The following UBE2F variants were observed in gnomAD, a reference collection of about 807,000 sequenced individuals.
UBE2F encodes ubiquitin conjugating enzyme E2 F (putative).
A neutral mutation model predicts 29.6 loss-of-function variants in UBE2F; 5 were observed. The ratio of observed to expected loss-of-function variants is 0.17; its 90% CI spans 0.09 to 0.36. The LOEUF (loss-of-function observed/expected upper bound fraction) is 0.36. Among genes scored for constraint, UBE2F ranks in the 10% least tolerant of loss-of-function variants. The probability of loss-of-function intolerance (pLI) is 1.00; values close to 1 mark genes in which losing one functional copy is unlikely to be tolerated. For synonymous variants in UBE2F, 66 were observed against 81.8 expected, an observed-to-expected ratio of 0.81 and a Z score of 1.04; for missense variants, 141 against 228.5, an observed-to-expected ratio of 0.62 and a Z score of 2.47.
At chr2:238,003,083 G>A (rs879284285) in intron 4 of UBE2F, among the ~76,000 whole-genome samples, 1 of 152,056 alleles carries the variant, frequency 6.6e-6, no homozygotes, top group Non-Finnish European at 1.5e-5. Context: ...ATATGTAAAG[G>A]TTTCAGACAC....
chr2:238,022,711 T>G (rs2064324731), intron 5 of UBE2F, among the ~76,000 whole-genome samples: 1 of 152,126 alleles, frequency 6.6e-6, no homozygotes, highest in Non-Finnish European at 1.5e-5. Flanking sequence ...AGTTCTCTGT[T>G]GGTTTGAGAG....
intron 4 of UBE2F, among the ~76,000 whole-genome samples, chr2:238,006,534 C>T (rs530280624): frequency 1.6e-4 from 25 of 152,200 alleles, no homozygotes; most frequent in Non-Finnish European, 3.2e-4. Context: ...GTCCTACAAC[C>T]TTGATAAACC....
intron 5 of UBE2F, among the ~76,000 whole-genome samples, chr2:238,023,934 C>G (rs1014068264): frequency 1.3e-5 from 2 of 152,112 alleles, no homozygotes; most frequent in Non-Finnish European, 2.9e-5. Context: ...AGGATGAACC[C>G]TGCATTGATA....
At chr2:237,980,260 G>C (rs981774781) in intron 2 of UBE2F, among the ~76,000 whole-genome samples, 1 of 152,188 alleles carries the variant, frequency 6.6e-6, no homozygotes, top group African/African-American at 2.4e-5. Flanking sequence ...TGTGTGACCA[G>C]CCTTTTGTCT....
chr2:238,001,205 G>T (rs1244394626), intron 4 of UBE2F, among the ~76,000 whole-genome samples: 2 of 151,622 alleles, frequency 1.3e-5, no homozygotes, highest in Non-Finnish European at 2.9e-5. Flanking sequence ...GGCTAATTTT[G>T]TATTTTTAGT....
chr2:238,008,540 G>GT (rs1442429054), intron 4 of UBE2F, among the ~76,000 whole-genome samples: 5 of 152,054 alleles, frequency 3.3e-5, no homozygotes, highest in Non-Finnish European at 7.4e-5. Flanking sequence ...TACTGATGTT[G>GT]TAATTTTTGT....
chr2:237,987,682 C>A (rs1342256447), intron 2 of UBE2F, among the ~76,000 whole-genome samples: 1 of 152,182 alleles, frequency 6.6e-6, no homozygotes, highest in African/African-American at 2.4e-5. Flanking sequence ...TAGTGACTGG[C>A]TACCTATAGG....
At chr2:237,996,955 C>G (rs1216225437) in intron 4 of UBE2F, among the ~76,000 whole-genome samples, 1 of 152,168 alleles carries the variant, frequency 6.6e-6, no homozygotes. Context: ...GGCCCGGTGG[C>G]TCATGCCTGT....
chr2:238,006,019 T>G (rs1193376680), intron 4 of UBE2F, among the ~76,000 whole-genome samples: 1 of 152,194 alleles, frequency 6.6e-6, no homozygotes, highest in Admixed American at 6.5e-5. Context: ...CTGTGTTTGT[T>G]TATTTGCATT....
rs1387768632 is a variant in UBE2F at position 238,016,524 on chromosome 2, A to T, written c.215-42A>T. 16 of 1,510,428 alleles carry T rather than the reference A, an allele frequency of 1.1e-5. No individual in the cohort carries two copies. The Admixed American group carries it at 1.3e-4, about 12-fold the overall frequency. The allele number at this position is 1,510,428 out of a possible 1,614,324, so 93.6% of individuals were successfully genotyped here. On this transcript the variant is annotated intron_variant, in intron 4 of 9. Transcript: ENST00000272930. ...TTGCTTTTTGTTTCCTTTTTTTTTT[A>T]ATTTAAAGGATTTTTTTGTTTTGTT...
chr2:238,001,416 G>A (rs1247501990), intron 4 of UBE2F, among the ~76,000 whole-genome samples: 1 of 151,894 alleles, frequency 6.6e-6, no homozygotes, highest in Non-Finnish European at 1.5e-5. Flanking sequence ...TTTTTAAAGG[G>A]TTTTTATTGA....
At chr2:238,023,256 C>T (rs865907204) in intron 5 of UBE2F, among the ~76,000 whole-genome samples, 3 of 152,352 alleles carry the variant, frequency 2.0e-5, no homozygotes, top group African/African-American at 7.2e-5. Context: ...CCAAATGCCT[C>T]AGTAGAAGGG....
rs970010516 is a variant in UBE2F, at chr2:238,040,578, G to A, written c.508-710G>A. Among the ~76,000 whole-genome samples, 1 of 152,120 alleles carries A rather than the reference G, an allele frequency of 6.6e-6. No homozygotes were observed. Among genetic ancestry groups the A allele is most frequent in the Admixed American group, 6.5e-5 (1 of 15,276 alleles). Reference sequence around the variant, plus strand: ...GTTAAGAGCTCCAAGTCATTCTTACGGCTCATACAGTCCCATGGGATTTTA... The same window carrying A: ...GTTAAGAGCTCCAAGTCATTCTTACAGCTCATACAGTCCCATGGGATTTTA... On this transcript the variant is annotated intron_variant, in intron 9 of 9. Coordinates refer to ENST00000272930, the MANE Select transcript of UBE2F (RefSeq NM_080678.3). This position sits in a 1 kb window ranked among gnomAD's most constrained non-coding sequence, Gnocchi z 4.4.
chr2:237,986,886 C>A (rs1403922267), intron 2 of UBE2F, among the ~76,000 whole-genome samples: 2 of 152,174 alleles, frequency 1.3e-5, no homozygotes, highest in African/African-American at 4.8e-5. Context: ...TAAGCCAGTA[C>A]TGTGCTATTT....
At chr2:237,980,907 C>T (rs956448426) in intron 2 of UBE2F, among the ~76,000 whole-genome samples, 5 of 152,152 alleles carry the variant, frequency 3.3e-5, no homozygotes, top group Admixed American at 1.3e-4. Context: ...AAGGTGAGTA[C>T]GTGCTGTGTG....
intron 4 of UBE2F, among the ~76,000 whole-genome samples, chr2:238,000,858 A>G (rs1178799375): frequency 2.6e-5 from 4 of 152,188 alleles, no homozygotes; most frequent in African/African-American, 4.8e-5. Flanking sequence ...TAGTAGGTAT[A>G]TATCTCATTA....
intron 3 of UBE2F, among the ~76,000 whole-genome samples, chr2:237,988,208 G>A (rs912233453): frequency 2.3e-4 from 35 of 152,276 alleles, no homozygotes; most frequent in African/African-American, 8.2e-4. Context: ...AGCACTTTGG[G>A]AGGCAGAGGC....
chr2:238,000,782 G>A (rs2063776330), intron 4 of UBE2F, among the ~76,000 whole-genome samples: 1 of 152,126 alleles, frequency 6.6e-6, no homozygotes, highest in South Asian at 2.1e-4. Context: ...CAATGAATGA[G>A]AATTCCAGTT....
intron 4 of UBE2F, among the ~76,000 whole-genome samples, chr2:238,012,272 C>G (rs996440678): frequency 6.6e-5 from 10 of 152,144 alleles, no homozygotes; most frequent in Non-Finnish European, 1.0e-4. Context: ...TGGAAGCCAC[C>G]TGACTTGGAG....
Sources: allele counts gnomAD v4.1 joint callset (sites outside exome capture counted in the v4.1 genomes callset), GRCh38; gene constraint gnomAD v4.1.1; non-coding constraint Gnocchi (gnomAD v3.1); transcripts MANE v1.5; gene names NCBI Gene and HGNC (gene_info 2026-07-23, HGNC 2026-07-21).